The following KCNIP4 variants were observed in gnomAD, a reference collection of about 807,000 sequenced individuals.
The protein encoded by KCNIP4 is potassium voltage-gated channel interacting protein 4.
KCNIP4 carries 12 observed loss-of-function variants against 34.0 expected under a neutral mutation model. The ratio of observed to expected loss-of-function variants is 0.35; its 90% confidence interval spans 0.23 to 0.57. The LOEUF is 0.57. Among genes scored for constraint, KCNIP4 ranks in the 20% least tolerant of loss-of-function variants. The pLI, the probability that KCNIP4 is intolerant of heterozygous loss-of-function variation, is 0.83. For synonymous variants in KCNIP4, 124 were observed against 102.2 expected, an observed-to-expected ratio of 1.21 and a Z score of -1.29; for missense variants, 238 against 311.7, an observed-to-expected ratio of 0.76 and a Z score of 1.78.
chr4:21,511,669 A>T (rs181170406), intron 1 of KCNIP4, among the ~76,000 whole-genome samples: 1 of 152,308 alleles, frequency 6.6e-6, no homozygotes, highest in East Asian at 1.9e-4. Flanking sequence ...AGCTCATGAC[A>T]TCCACAGTTG....
chr4:21,883,936 A>T (rs754385933), intron 1 of KCNIP4, among the ~76,000 whole-genome samples: 41 of 152,174 alleles, frequency 2.7e-4, no homozygotes, highest in African/African-American at 8.9e-4. Flanking sequence ...ACACACATTA[A>T]ATATTTCTGT....
intron 1 of KCNIP4, among the ~76,000 whole-genome samples, chr4:21,105,189 T>TAATCA (rs1453819346): frequency 6.6e-6 from 1 of 151,640 alleles, no homozygotes; most frequent in Non-Finnish European, 1.5e-5. Flanking sequence ...CCTTGGGCAG[T>TAATCA]ATGGCCATTT....
intron 1 of KCNIP4, among the ~76,000 whole-genome samples, chr4:21,210,960 G>A (rs1424912858): frequency 2.0e-5 from 3 of 152,090 alleles, no homozygotes; most frequent in Non-Finnish European, 4.4e-5. Context: ...GAAATTAATT[G>A]AATTTTATAC....
intron 1 of KCNIP4, among the ~76,000 whole-genome samples, chr4:21,256,418 TA>T (rs35912916): frequency 0.091 from 11,050 of 120,824 alleles, 482 homozygotes; most frequent in South Asian, 0.23. Flanking sequence ...CATCCCTGCT[TA>T]AAAAAAAAAA....
chr4:21,264,151 A>G (rs1043180835), intron 1 of KCNIP4, among the ~76,000 whole-genome samples: 2 of 152,190 alleles, frequency 1.3e-5, no homozygotes, highest in Admixed American at 1.3e-4. Context: ...ACACATCCCA[A>G]TTTCTACCAC....
intron 1 of KCNIP4, among the ~76,000 whole-genome samples, chr4:20,972,136 C>T (rs1020026667): frequency 6.6e-6 from 1 of 152,144 alleles, no homozygotes; most frequent in Non-Finnish European, 1.5e-5. Context: ...GTTATTTCTT[C>T]TAATGAATTA....
At chr4:21,186,688 A>C (rs1357131861) in intron 1 of KCNIP4, among the ~76,000 whole-genome samples, 1 of 152,224 alleles carries the variant, frequency 6.6e-6, no homozygotes, top group Non-Finnish European at 1.5e-5. Flanking sequence ...TCTGTCACCC[A>C]GGCTAAAGTG....
chr4:21,010,480 T>G (rs750749299), intron 1 of KCNIP4, among the ~76,000 whole-genome samples: 1 of 152,174 alleles, frequency 6.6e-6, no homozygotes, highest in African/African-American at 2.4e-5. Context: ...TTGTGGCGTG[T>G]TCTTTCGAAC....
intron 1 of KCNIP4, among the ~76,000 whole-genome samples, chr4:21,461,849 C>G (rs1367218443): frequency 6.6e-6 from 1 of 152,014 alleles, no homozygotes. Context: ...CACTTTACCT[C>G]CACGACTTTC....
intron 1 of KCNIP4, among the ~76,000 whole-genome samples, chr4:21,869,142 C>T (rs761134288): frequency 4.0e-4 from 61 of 152,232 alleles, no homozygotes; most frequent in Non-Finnish European, 7.8e-4. Context: ...ACGTCCTGCA[C>T]TGCTGCTATT....
chr4:20,989,343 T>C (rs972729752), intron 1 of KCNIP4, among the ~76,000 whole-genome samples: 1 of 152,086 alleles, frequency 6.6e-6, no homozygotes, highest in African/African-American at 2.4e-5. Context: ...AATTTGCAAA[T>C]GCATAAAAAG....
intron 1 of KCNIP4, among the ~76,000 whole-genome samples, chr4:21,479,956 G>T (rs1023004458): frequency 1.3e-5 from 2 of 151,410 alleles, no homozygotes; most frequent in Non-Finnish European, 2.9e-5. Flanking sequence ...ATAATATTAG[G>T]AATATGATTG....
At chr4:21,044,024 A>T (rs943829370) in intron 1 of KCNIP4, among the ~76,000 whole-genome samples, 81 of 152,078 alleles carry the variant, frequency 5.3e-4, no homozygotes, top group Non-Finnish European at 1.9e-4. Context: ...TGGAGTAGAA[A>T]TTCTACTCCA....
At chr4:21,742,676 A>G (rs1716495022) in intron 1 of KCNIP4, among the ~76,000 whole-genome samples, 2 of 152,206 alleles carry the variant, frequency 1.3e-5, no homozygotes, top group Admixed American at 6.5e-5. Context: ...TCCTCAAAGC[A>G]TGGCAGACAT....
intron 1 of KCNIP4, among the ~76,000 whole-genome samples, chr4:21,446,571 A>G (rs1728013051): frequency 1.4e-5 from 2 of 144,240 alleles, no homozygotes; most frequent in African/African-American, 5.1e-5. Flanking sequence ...TGGGAATTGA[A>G]CAATGAGAAC....
chr4:20,733,749 C>G (rs1192869516), intron 6 of KCNIP4, among the ~76,000 whole-genome samples: 1 of 152,152 alleles, frequency 6.6e-6, no homozygotes, highest in Admixed American at 6.6e-5. Flanking sequence ...GCTCCATATA[C>G]ATGAACACAA....
intron 5 of KCNIP4, among the ~76,000 whole-genome samples, chr4:20,735,077 A>G (rs1749262013): frequency 1.3e-5 from 2 of 152,174 alleles, no homozygotes; most frequent in South Asian, 4.1e-4. Context: ...TAGTTTTTTC[A>G]AAAAAATACA....
At position 20,980,809 on chromosome 4, in the gene KCNIP4, T is replaced by TA. The variant is rs547579828; in HGVS notation, c.62-98101dup. 4.7e-3 allele frequency among the ~76,000 whole-genome samples: 618 copies of TA among 130,818 alleles called. 1 individual carries two copies. The highest frequency in any genetic ancestry group is 0.012 in the Middle Eastern group (3 of 244). The allele number at this position is 130,818 out of a possible 152,430, so 85.8% of individuals were successfully genotyped here. A position where few individuals can be genotyped will look rare whatever the true frequency, so the allele number is the denominator to read the frequency against. On this transcript the variant is annotated intron_variant, in intron 1 of 8. Coordinates refer to ENST00000382152, the MANE Select transcript of KCNIP4 (RefSeq NM_025221.6). ...CCTTTTCACCTTCACTTCTCCACCA[T>TA]AAAAAAAAAAAAAAGAGGCTAATTC...
intron 1 of KCNIP4, among the ~76,000 whole-genome samples, chr4:21,670,751 G>GT (rs1202021916): frequency 5.3e-5 from 8 of 152,008 alleles, no homozygotes; most frequent in Non-Finnish European, 1.0e-4. Context: ...CGCCTCCCGG[G>GT]TTCAGGCCAT....
Sources: allele counts gnomAD v4.1 joint callset (sites outside exome capture counted in the v4.1 genomes callset), GRCh38; gene constraint gnomAD v4.1.1; transcripts MANE v1.5; gene names NCBI Gene and HGNC (gene_info 2026-07-23, HGNC 2026-07-21).